Variants in SAMD12 observed in about 807,000 individuals in gnomAD.
SAMD12 encodes the protein sterile alpha motif domain containing 12, also known as sterile alpha motif domain-containing protein 12.
Under a neutral mutation model 15.0 loss-of-function variants are expected in SAMD12, and 9 were observed. The ratio of observed to expected loss-of-function variants is 0.60; its 90% CI spans 0.36 to 1.05. The LOEUF is 1.05. SAMD12 is among the 50% of genes least tolerant of loss of function. The probability of loss-of-function intolerance (pLI) is 0.01; values close to 1 mark genes in which losing one functional copy is unlikely to be tolerated. For synonymous variants in SAMD12, 86 were observed against 90.1 expected (o/e 0.96, Z 0.25); for missense variants, 230 against 234.2 (o/e 0.98, Z 0.12).
At chr8:118,598,248 G>C (rs1292699205) in intron 1 of SAMD12, among the ~76,000 whole-genome samples, 1 of 152,178 alleles carries the variant, frequency 6.6e-6, no homozygotes, top group Non-Finnish European at 1.5e-5. Context: ...ATATGCTGAA[G>C]GCTTAACCCC....
intron 4 of SAMD12, among the ~76,000 whole-genome samples, chr8:118,242,723 T>A (rs1372195793): frequency 6.6e-6 from 1 of 151,988 alleles, no homozygotes; most frequent in Non-Finnish European, 1.5e-5. Context: ...CCCTGCCACA[T>A]CCCCACTCCT....
the SAMD12 span, among the ~76,000 whole-genome samples, chr8:118,166,865 T>C: frequency 1.3e-5 from 2 of 152,198 alleles, 1 homozygote; most frequent in Non-Finnish European, 2.9e-5. Flanking sequence ...TATGTATATC[T>C]GGGTGTCTCT....
At chr8:118,583,659 C>T (rs954308086) in intron 1 of SAMD12, among the ~76,000 whole-genome samples, 2 of 152,130 alleles carry the variant, frequency 1.3e-5, no homozygotes, top group African/African-American at 2.4e-5. Flanking sequence ...AAATGCTGGT[C>T]CTACTCCAAC....
At chr8:118,145,851 G>T in the SAMD12 span, among the ~76,000 whole-genome samples, 4 of 152,314 alleles carry the variant, frequency 2.6e-5, no homozygotes, top group East Asian at 5.8e-4. Context: ...CTCGGTCATT[G>T]TCTGGGGCTG....
Position 118,353,034 on chromosome 8 carries a change from A to C in SAMD12, c.433+26526T>G, listed in dbSNP as rs140467409. Among the ~76,000 whole-genome samples the C allele has an allele frequency of 2.2e-4, 33 of 152,266 alleles. No homozygotes were observed. In the East Asian group the frequency reaches 6.0e-3, roughly 28 times the overall value. ...TAAAAATCACGTTAAACCACCATCCAGATAGACCACTGTTAAAATATTGCT... is the reference window on the plus strand; with the variant it reads ...TAAAAATCACGTTAAACCACCATCCCGATAGACCACTGTTAAAATATTGCT... On this transcript the variant is annotated intron_variant, in intron 4 of 4. Coordinates refer to the SAMD12 transcript ENST00000409003.
chr8:118,299,719 C>A (rs774164400), intron 4 of SAMD12, among the ~76,000 whole-genome samples: 1 of 152,034 alleles, frequency 6.6e-6, no homozygotes, highest in South Asian at 2.1e-4. Flanking sequence ...TGAAAGATGA[C>A]CCAAAAATAT....
exon 5 of SAMD12, chr8:118,190,699 A>T (rs1352167770): frequency 1.3e-5 from 2 of 152,142 alleles, no homozygotes; most frequent in East Asian, 3.9e-4. Context: ...CACATAAGGG[A>T]TATTGGAGGC....
At chr8:118,548,968 C>G (rs915448552) in intron 2 of SAMD12, among the ~76,000 whole-genome samples, 1 of 152,264 alleles carries the variant, frequency 6.6e-6, no homozygotes, top group Admixed American at 6.5e-5. Context: ...GGCAGCCAGG[C>G]TGGGGGAGGG....
chr8:118,319,130 TC>T (rs922220448), intron 4 of SAMD12, among the ~76,000 whole-genome samples: 4 of 152,152 alleles, frequency 2.6e-5, no homozygotes, highest in African/African-American at 9.7e-5. Context: ...AAGGTATAGT[TC>T]ATAAATATCT....
chr8:118,218,048 A>G (rs946999013), intron 4 of SAMD12, among the ~76,000 whole-genome samples: 6 of 152,210 alleles, frequency 3.9e-5, no homozygotes, highest in Non-Finnish European at 8.8e-5. Flanking sequence ...CACACCAAGT[A>G]TAGCTCACAG....
Position 118,231,896 on chromosome 8 carries a change from A to C in SAMD12, c.434-34164T>G, listed in dbSNP as rs367746587. ...ATGTACACACTTCTAGTACTGGTCT[A>C]AAAAAAAAAAAGCCTTCTGCAAGGC... On this transcript the variant is annotated intron_variant, in intron 4 of 4. Transcript: ENST00000409003. Among the ~76,000 whole-genome samples the C allele has an allele frequency of 1.7e-3, 241 of 141,340 alleles. 1 individual carries two copies. Among genetic ancestry groups the C allele is most frequent in the East Asian group, 0.017 (82 of 4,950 alleles). The allele number at this position is 141,340 out of a possible 152,430, so 92.7% of individuals were successfully genotyped here. A position where few individuals can be genotyped will look rare whatever the true frequency, so the allele number is the denominator to read the frequency against.
chr8:118,600,614 A>G lies in SAMD12; in HGVS notation c.14-19721T>C, dbSNP rs77012184. Among the ~76,000 whole-genome samples, 77 of 152,308 alleles carry G rather than the reference A, an allele frequency of 5.1e-4. 3 individuals carry two copies. In the East Asian group the frequency reaches 0.014, roughly 29 times the overall value. On this transcript the variant is annotated intron_variant, in intron 1 of 3. Transcript: ENST00000314727. ...CTCTTCCATGCTTCTAGATGAAAAG[A>G]TATTTCTCTCTCAGCCTTGAGACCA...
chr8:118,357,676 TAAAG>T (rs556119803), intron 4 of SAMD12, among the ~76,000 whole-genome samples: 26 of 152,336 alleles, frequency 1.7e-4, no homozygotes, highest in African/African-American at 2.9e-4. Context: ...TTGTCAAAAA[TAAAG>T]AAACTGAAAA....
chr8:118,348,607 C>T (rs1328114744), intron 4 of SAMD12, among the ~76,000 whole-genome samples: 4 of 152,006 alleles, frequency 2.6e-5, no homozygotes, highest in Non-Finnish European at 4.4e-5. Context: ...CTCCTGACAT[C>T]GTGATCTGCC....
rs183915849 is a variant in SAMD12, at chr8:118,513,192, A to G, written c.192+67523T>C. Among the ~76,000 whole-genome samples, 177 of 152,326 alleles carry G rather than the reference A, an allele frequency of 1.2e-3. 1 individual carries two copies. The highest frequency in any genetic ancestry group is 4.1e-3 in the African/African-American group (169 of 41,560). ...CATTTGATTTTTCTCTTGCAAAACCAGAACCCATACAAATTAAATCACCAG... is the reference window on the plus strand; with the variant it reads ...CATTTGATTTTTCTCTTGCAAAACCGGAACCCATACAAATTAAATCACCAG... On this transcript the variant is annotated intron_variant, in intron 2 of 3. Coordinates refer to ENST00000314727, the MANE Select transcript of SAMD12 (RefSeq NM_207506.3).
At chr8:118,230,958 C>G (rs920226173) in intron 4 of SAMD12, among the ~76,000 whole-genome samples, 8 of 152,098 alleles carry the variant, frequency 5.3e-5, no homozygotes, top group Middle Eastern at 3.4e-3. Flanking sequence ...ACTTTTGATT[C>G]ACAATTTAAA....
intron 1 of SAMD12, among the ~76,000 whole-genome samples, chr8:118,617,740 TTA>T (rs1211826203): frequency 6.6e-6 from 1 of 152,088 alleles, no homozygotes; most frequent in African/African-American, 2.4e-5. Context: ...ACTCGTGCAT[TTA>T]TATGTCATTC....
chr8:118,312,510 T>C (rs79929257), intron 4 of SAMD12, among the ~76,000 whole-genome samples: 5,418 of 152,280 alleles, frequency 0.036, 315 homozygotes, highest in African/African-American at 0.11. Flanking sequence ...TAAACTCTTA[T>C]AGTCTTTACA....
chr8:118,519,877 G>C (rs75073546), intron 2 of SAMD12, among the ~76,000 whole-genome samples: 1,989 of 152,150 alleles, frequency 0.013, 57 homozygotes, highest in African/African-American at 0.046. Context: ...GACTAATAAA[G>C]CCACAGCAAC....
Sources: allele counts gnomAD v4.1 joint callset (sites outside exome capture counted in the v4.1 genomes callset), GRCh38; gene constraint gnomAD v4.1.1; transcripts MANE v1.5; gene names NCBI Gene and HGNC (gene_info 2026-07-23, HGNC 2026-07-21).